SAMM50: variants seen among roughly 807,000 people sequenced by gnomAD.
The protein encoded by SAMM50 is SAMM50 sorting and assembly machinery component.
In SAMM50, 47 loss-of-function variants were observed where a neutral mutation model predicts 66.9. The observed-to-expected ratio is 0.70, with a 90% CI of 0.56 to 0.90. The LOEUF is 0.90. SAMM50 is among the 40% of genes least tolerant of loss of function. SAMM50 has a pLI of 0.00. For missense variants in SAMM50, 535 were observed against 595.3 expected (o/e 0.90, Z 1.05); for synonymous variants, 191 against 214.1 (o/e 0.89, Z 0.94).
Position 43,957,185 on chromosome 22 carries a change from T to C in SAMM50, c.21+1587T>C, listed in dbSNP as rs114788334. 1,147 of 705,564 alleles carry C rather than the reference T, an allele frequency of 1.6e-3. 14 individuals are homozygous for C. In the African/African-American group the frequency reaches 0.018, roughly 11 times the overall value. The allele number at this position is 705,564 out of a possible 1,614,324, so 43.7% of individuals were successfully genotyped here. On this transcript the variant is annotated intron_variant, in intron 1 of 14. Transcript: ENST00000350028. ...CATGTATACAAAGCAAAGAACAACATAGTGACTCCTGGCGGCAAATCAAAC... is the reference window on the plus strand; with the variant it reads ...CATGTATACAAAGCAAAGAACAACACAGTGACTCCTGGCGGCAAATCAAAC...
In SAMM50 at chr22:43,996,468, C is replaced by G; in HGVS notation, c.*85C>G. On this transcript the variant is annotated 3_prime_UTR_variant, in exon 15 of 15. Coordinates refer to ENST00000350028, the MANE Select transcript of SAMM50 (RefSeq NM_015380.5). ...CACCGTCTCTCGAGGAAACGCGGTT[C>G]AGCGATTCTTTGACTGCGGACCCTG... 1.5e-6 allele frequency: 2 copies of G among 1,312,968 alleles called. No homozygotes were observed. The allele number at this position is 1,312,968 out of a possible 1,614,324, so 81.3% of individuals were successfully genotyped here.
chr22:43,964,622 A>G, intron 3 of SAMM50, 69 bp downstream of exon 3: 1 of 869,774 alleles, frequency 1.1e-6, no homozygotes, highest in Admixed American at 1.9e-5. Context: ...TCCCCATGTG[A>G]AACCACAGAG....
intron 8 of SAMM50, among the ~76,000 whole-genome samples, 193 bp downstream of exon 8, chr22:43,976,376 G>T (rs114140249): frequency 2.2e-3 from 333 of 152,324 alleles, no homozygotes; most frequent in African/African-American, 7.6e-3. Flanking sequence ...AATGTCAGTG[G>T]TAACAGGAAG....
At chr22:43,965,143 T>C (rs576924109) in intron 3 of SAMM50, among the ~76,000 whole-genome samples, 48 of 149,924 alleles carry the variant, frequency 3.2e-4, no homozygotes, top group Non-Finnish European at 5.0e-4. Flanking sequence ...CACTTGACCT[T>C]GCAGCAGCAG....
chr22:43,990,062 A>G (rs2050314885), intron 13 of SAMM50, among the ~76,000 whole-genome samples: 1 of 152,230 alleles, frequency 6.6e-6, no homozygotes, highest in Non-Finnish European at 1.5e-5. Flanking sequence ...GGCGTGGCTC[A>G]TTCTGGATGT....
rs550719323 is a variant in SAMM50 at position 43,969,861 on chromosome 22, C to T, written c.322+1043C>T. On this transcript the variant is annotated intron_variant, in intron 4 of 14. Coordinates refer to ENST00000350028, the MANE Select transcript of SAMM50 (RefSeq NM_015380.5). ...AAGAAAAGCCGTCAGGAGCCCAGAC[C>T]GTGGTGGGCCTAACATGGCGCGGTA... 2.0e-5 allele frequency among the ~76,000 whole-genome samples: 3 copies of T among 152,218 alleles called. No individual in the cohort carries two copies. The South Asian group carries it at 6.2e-4, about 31-fold the overall frequency.
In SAMM50 at chr22:43,963,269, C is replaced by T. The variant is rs143833465; in HGVS notation, c.22-17C>T. On this transcript the variant is annotated splice_polypyrimidine_tract_variant and intron_variant, in intron 1 of 14. Transcript: ENST00000350028. ...TGTGACAAAGTCATTTATCTGTGGT[C>T]GCTCCCTCCCTTTCAGAGTTTGGAG... The T allele has an allele frequency of 6.3e-5, 95 of 1,502,218 alleles. No homozygotes were observed. In the African/African-American group the frequency reaches 1.1e-3, roughly 18 times the overall value. 93.1% of individuals were successfully genotyped at this position (1,502,218 alleles called of 1,614,324 possible).
intron 11 of SAMM50, among the ~76,000 whole-genome samples, chr22:43,981,736 A>G (rs1289533657): frequency 1.3e-5 from 2 of 152,254 alleles, no homozygotes; most frequent in Non-Finnish European, 1.5e-5. Context: ...CAGAAATGCA[A>G]AAATGGAGAA....
chr22:43,984,376 G>C (rs761640614), intron 12 of SAMM50, among the ~76,000 whole-genome samples: 2 of 152,070 alleles, frequency 1.3e-5, no homozygotes, highest in Non-Finnish European at 2.9e-5. Context: ...GCAATGGCGC[G>C]ATCTCGGCTC....
chr22:43,964,805 C>T (rs576668397), intron 3 of SAMM50, among the ~76,000 whole-genome samples: 3 of 152,290 alleles, frequency 2.0e-5, no homozygotes, highest in East Asian at 1.9e-4. Flanking sequence ...TGTCCTCTTG[C>T]GTTCCTCATA....
chr22:43,984,579 G>A (rs1177244608), intron 12 of SAMM50, among the ~76,000 whole-genome samples: 1 of 151,668 alleles, frequency 6.6e-6, no homozygotes, highest in African/African-American at 2.4e-5. Flanking sequence ...CCAAAGTGCT[G>A]GGATTACAGG....
intron 10 of SAMM50, among the ~76,000 whole-genome samples, chr22:43,980,126 ACC>A (rs1230798614): frequency 7.5e-4 from 76 of 101,896 alleles, no homozygotes; most frequent in East Asian, 2.4e-3. Context: ...CCACCCACCT[ACC>A]CACCCACACA....
rs112657260 is a variant in SAMM50 at position 43,964,957 on chromosome 22, G to C, written c.234+404G>C. Among the ~76,000 whole-genome samples the C allele has an allele frequency of 3.6e-3, 547 of 152,088 alleles. 4 individuals carry two copies. The highest frequency in any genetic ancestry group is 0.011 in the African/African-American group (474 of 41,500). On this transcript the variant is annotated intron_variant, in intron 3 of 14. Coordinates refer to ENST00000350028, the MANE Select transcript of SAMM50 (RefSeq NM_015380.5). ...CTGGGACACACTCCCTGTCTCCTCA[G>C]GGCCCTGGCTCTGTCTGTGGAGCAG...
At chr22:43,995,128 T>C (rs1275534298) in intron 14 of SAMM50, among the ~76,000 whole-genome samples, 1 of 152,186 alleles carries the variant, frequency 6.6e-6, no homozygotes, top group Non-Finnish European at 1.5e-5. Flanking sequence ...TGTGGCTTAC[T>C]GTAATCTTGA....
At chr22:43,980,146 A>ATCCGTCCG (rs2050256698) in intron 10 of SAMM50, among the ~76,000 whole-genome samples, 1 of 18,258 alleles carries the variant, frequency 5.5e-5, no homozygotes, top group Non-Finnish European at 1.1e-4. Context: ...ACATCCATCC[A>ATCCGTCCG]TCCATCCATC....
intron 10 of SAMM50, 25 bp from the exon 11 acceptor site, chr22:43,981,366 C>T (rs762893122): frequency 6.3e-7 from 1 of 1,594,688 alleles, no homozygotes; most frequent in South Asian, 1.1e-5. Context: ...TGGGAGAAAA[C>T]AACCATTTGT....
At position 43,989,272 on chromosome 22, in the gene SAMM50, A is replaced by C. The variant is rs768194878; in HGVS notation, c.1222+15A>C. 1 of 1,613,462 alleles carries C rather than the reference A, an allele frequency of 6.2e-7. No homozygotes were observed. Among genetic ancestry groups the C allele is most frequent in the Non-Finnish European group, 8.5e-7 (1 of 1,179,682 alleles). On this transcript the variant is annotated intron_variant, in intron 13 of 14. Coordinates refer to ENST00000350028, the MANE Select transcript of SAMM50 (RefSeq NM_015380.5). ...CCTCAACTATGGTAAAACTTGCGCT[A>C]TTCAAGAAACCATTGTAGTACAGTT...
intron 3 of SAMM50, among the ~76,000 whole-genome samples, chr22:43,968,318 T>C (rs1244350092): frequency 2.0e-5 from 3 of 150,918 alleles, no homozygotes; most frequent in Non-Finnish European, 4.4e-5. Context: ...CAAGAAGATG[T>C]GCATTTCTTC....
rs1217603290 is a variant in SAMM50 at position 43,983,583 on chromosome 22, A to C, written c.1008-350A>C. Among the ~76,000 whole-genome samples the C allele has an allele frequency of 6.6e-6, 1 of 152,170 alleles. No homozygotes were observed. Among genetic ancestry groups the C allele is most frequent in the Non-Finnish European group, 1.5e-5 (1 of 68,034 alleles). ...TTCCCCTAATATCGCACTGTGAGCCAGTAGGAGGCCCGCCATGAAAAGGAA... is the reference window on the plus strand; with the variant it reads ...TTCCCCTAATATCGCACTGTGAGCCCGTAGGAGGCCCGCCATGAAAAGGAA... On this transcript the variant is annotated intron_variant, in intron 11 of 14. Coordinates refer to ENST00000350028, the MANE Select transcript of SAMM50 (RefSeq NM_015380.5). This position sits in a 1 kb window ranked among gnomAD's most constrained non-coding sequence, Gnocchi z 4.2.
Sources: allele counts gnomAD v4.1 joint callset (sites outside exome capture counted in the v4.1 genomes callset), GRCh38; gene constraint gnomAD v4.1.1; non-coding constraint Gnocchi (gnomAD v3.1); transcripts MANE v1.5; gene names NCBI Gene and HGNC (gene_info 2026-07-23, HGNC 2026-07-21).